ECSCR: variants seen among roughly 807,000 people sequenced by gnomAD.
ECSCR encodes the protein endothelial cell-specific chemotaxis regulator.
A neutral mutation model predicts 16.7 loss-of-function variants in ECSCR; 12 were observed. The ratio of observed to expected loss-of-function variants is 0.72; its 90% confidence interval spans 0.46 to 1.17. The LOEUF (loss-of-function observed/expected upper bound fraction) is 1.17, where lower values mean the gene tolerates loss of function less well. ECSCR is among the 50% of genes most tolerant of loss of function. The probability of loss-of-function intolerance (pLI) is 0.00; values close to 1 mark genes in which losing one functional copy is unlikely to be tolerated. For synonymous variants in ECSCR, 44 were observed against 42.2 expected, an observed-to-expected ratio of 1.04 and a Z score of -0.17; for missense variants, 122 against 116.1, an observed-to-expected ratio of 1.05 and a Z score of -0.23.
intron 8 of ECSCR, among the ~76,000 whole-genome samples, chr5:139,450,900 G>T (rs535910666): frequency 6.6e-6 from 1 of 152,188 alleles, no homozygotes; most frequent in African/African-American, 2.4e-5. Flanking sequence ...TAAGCTTAGA[G>T]ATAATGTCTT....
intron 1 of ECSCR, among the ~76,000 whole-genome samples, chr5:139,460,136 T>A (rs1354430228): frequency 6.6e-6 from 1 of 151,964 alleles, no homozygotes; most frequent in African/African-American, 2.4e-5. Context: ...ATTTTTTGTT[T>A]TTTTTTTTTC....
chr5:139,449,081 C>T lies in ECSCR; in HGVS notation c.606G>A (p.Glu202=). The T allele has an allele frequency of 6.5e-7, 1 of 1,536,972 alleles. No individual in the cohort carries two copies. The highest frequency in any genetic ancestry group is 8.7e-7 in the Non-Finnish European group (1 of 1,146,692). Residue 202 remains glutamate (E), a synonymous_variant, in exon 9 of 10, where the codon GAG becomes GAA. Coordinates refer to ENST00000618155, the MANE Select transcript of ECSCR (RefSeq NM_001077693.4). ...MNNGKQSLSA[E]KVL is the part of the protein sequence containing the mutation. The stretch of plus-strand genomic sequence containing the variant: ...GGCAGGAAACAGAAAAATGTACCTT[C>T]TCTGCTGAGAGACTTTGTTTGCCAT...
chr5:139,456,100 C>T (rs1751152940), intron 5 of ECSCR, among the ~76,000 whole-genome samples: 1 of 152,016 alleles, frequency 6.6e-6, no homozygotes, highest in South Asian at 2.1e-4. Flanking sequence ...CCAGCATAGG[C>T]AACAGAGCGA....
At chr5:139,461,784 C>A (rs191155821) in intron 1 of ECSCR, among the ~76,000 whole-genome samples, 27 of 152,308 alleles carry the variant, frequency 1.8e-4, no homozygotes, top group Non-Finnish European at 2.8e-4. Flanking sequence ...CACCCCTCCC[C>A]ATCTGAGCCC....
chr5:139,455,459 G>A (rs1277972201), intron 5 of ECSCR, 23 bp from the exon 6 acceptor site: 2 of 397,954 alleles, frequency 5.0e-6, no homozygotes, highest in East Asian at 3.6e-5. Context: ...GGAGTCAGGG[G>A]CATCAGCGAA....
chr5:139,454,037 G>A (rs1316753690), intron 8 of ECSCR, among the ~76,000 whole-genome samples: 1 of 147,336 alleles, frequency 6.8e-6, no homozygotes, highest in African/African-American at 2.5e-5. Flanking sequence ...TGTGTGGTGT[G>A]TGGAGTGGTG....
chr5:139,454,430 A>G (rs1240107005), intron 8 of ECSCR, among the ~76,000 whole-genome samples, 172 bp downstream of exon 8: 1 of 104,192 alleles, frequency 9.6e-6, no homozygotes, highest in African/African-American at 3.8e-5. Flanking sequence ...GGGTGTGTGT[A>G]GTGAGGTGTA....
At position 139,462,720 on chromosome 5, in the gene ECSCR, C is replaced by A; in HGVS notation, c.-50G>T. On this transcript the variant is annotated 5_prime_UTR_variant, in exon 1 of 10. The change abolishes an upstream ATG in the 5' untranslated region. Coordinates refer to ENST00000618155, the MANE Select transcript of ECSCR (RefSeq NM_001077693.4). ...GCAGCAGCTCAGTGGAGGCTCTGTC[C>A]ATAGTGGAGAAGAGAGAGGGAGTGC... The A allele has an allele frequency of 1.2e-6, 1 of 858,364 alleles. No homozygotes were observed. The highest frequency in any genetic ancestry group is 1.7e-6 in the Non-Finnish European group (1 of 589,324). 53.2% of individuals were successfully genotyped at this position (858,364 alleles called of 1,614,324 possible).
intron 1 of ECSCR, among the ~76,000 whole-genome samples, chr5:139,461,200 G>A (rs552338932): frequency 3.3e-5 from 5 of 152,138 alleles, no homozygotes; most frequent in African/African-American, 1.2e-4. Context: ...TCAGTACCTC[G>A]CAAGTTGTTG....
At chr5:139,449,668 A>G (rs1750988642) in intron 8 of ECSCR, among the ~76,000 whole-genome samples, 1 of 151,890 alleles carries the variant, frequency 6.6e-6, no homozygotes. Flanking sequence ...TGGTTTTACT[A>G]CCTACTACTT....
chr5:139,462,531 C>A, intron 1 of ECSCR, 79 bp downstream of exon 1: 1 of 1,408,398 alleles, frequency 7.1e-7, no homozygotes, highest in Non-Finnish European at 9.8e-7. Context: ...AAGCATGTGT[C>A]TCCTGAGAAA....
At chr5:139,454,521 G>A (rs1751115451) in intron 8 of ECSCR, 81 bp downstream of exon 8, 2 of 397,598 alleles carry the variant, frequency 5.0e-6, no homozygotes, top group Non-Finnish European at 8.9e-6. Flanking sequence ...TGGGTGTGTG[G>A]GTGTGGAAGG....
chr5:139,451,158 G>A (rs1006355345), intron 8 of ECSCR, among the ~76,000 whole-genome samples: 12 of 151,220 alleles, frequency 7.9e-5, no homozygotes, highest in Non-Finnish European at 1.3e-4. Context: ...GTGTGTGTGT[G>A]TGTGGTGTAA....
chr5:139,448,729 A>G lies in ECSCR; in HGVS notation c.*171T>C, dbSNP rs556334689. 4.2e-6 allele frequency: 6 copies of G among 1,438,478 alleles called. No individual in the cohort carries two copies. The highest frequency in any genetic ancestry group is 2.0e-4 in the Middle Eastern group (1 of 5,096). The allele number at this position is 1,438,478 out of a possible 1,614,324, so 89.1% of individuals were successfully genotyped here. The stretch of plus-strand genomic sequence containing the variant: ...ACAGGAAAGAGTCTCCCCTGTTGGT[A>G]GCTTGCTCCCAGATCTGGGGCAATG... On this transcript the variant is annotated 3_prime_UTR_variant, in exon 10 of 10. Coordinates refer to ENST00000618155, the MANE Select transcript of ECSCR (RefSeq NM_001077693.4).
chr5:139,453,741 G>A (rs1243775894), intron 8 of ECSCR, among the ~76,000 whole-genome samples: 1 of 146,446 alleles, frequency 6.8e-6, no homozygotes, highest in East Asian at 2.0e-4. Flanking sequence ...AGTGTGGGGT[G>A]TGGGGAGTGT....
At chr5:139,454,097 G>A (rs1350371169) in intron 8 of ECSCR, among the ~76,000 whole-genome samples, 2 of 146,750 alleles carry the variant, frequency 1.4e-5, no homozygotes, top group African/African-American at 2.5e-5. Context: ...TGTGTGGGGT[G>A]TGTGTGTGAT....
rs1750959303 is a variant in ECSCR at position 139,448,640 on chromosome 5, T to G, written c.*260A>C. ...CTTTCCTTGCTCTCTCTCTGTCACCTCCTCTTTCCTGTGGCTCTGAGGAGG... is the reference window on the plus strand; with the variant it reads ...CTTTCCTTGCTCTCTCTCTGTCACCGCCTCTTTCCTGTGGCTCTGAGGAGG... On this transcript the variant is annotated 3_prime_UTR_variant, in exon 10 of 10. Transcript: ENST00000618155. 1 of 1,048,674 alleles carries G rather than the reference T, an allele frequency of 9.5e-7. No individual in the cohort carries two copies. Among genetic ancestry groups the G allele is most frequent in the Non-Finnish European group, 1.3e-6 (1 of 774,682 alleles). 65.0% of individuals were successfully genotyped at this position (1,048,674 alleles called of 1,614,324 possible).
chr5:139,457,499 A>G lies in ECSCR; in HGVS notation c.217+46T>C. 9.0e-6 allele frequency: 7 copies of G among 780,754 alleles called. 1 individual carries two copies. In the South Asian group the frequency reaches 9.4e-5, roughly 10 times the overall value. 48.4% of individuals were successfully genotyped at this position (780,754 alleles called of 1,614,324 possible). ...TAGAGCAGAAACTGTTGGGGTCCTC[A>G]CTGGGCCCTCCCTGGATGGCATTTG... On this transcript the variant is annotated intron_variant, in intron 4 of 9. Transcript: ENST00000618155.
chr5:139,461,028 G>A (rs948304246), intron 1 of ECSCR, among the ~76,000 whole-genome samples: 2 of 152,124 alleles, frequency 1.3e-5, no homozygotes, highest in African/African-American at 4.8e-5. Context: ...GGGTGTGGTG[G>A]TGTGTGCCTG....
Sources: gnomAD v4.1 joint callset for allele counts (sites outside exome capture counted in the v4.1 genomes callset) on GRCh38, gnomAD v4.1.1 for gene constraint, MANE v1.5 for transcripts, NCBI Gene and HGNC (gene_info 2026-07-23, HGNC 2026-07-21) for gene names.